KANK1: variants seen among roughly 807,000 people sequenced by gnomAD.
KANK1 encodes the protein KN motif and ankyrin repeat domain-containing protein 1.
KANK1 carries 109 observed loss-of-function variants against 106.2 expected under a neutral mutation model. That is an observed-to-expected ratio of 1.03 (90% CI 0.88 to 1.20). KANK1 has a LOEUF of 1.20. Ranked by LOEUF, KANK1 falls within the 50% of genes most tolerant of loss-of-function variation. The probability of loss-of-function intolerance (pLI) is 0.00; values close to 1 mark genes in which losing one functional copy is unlikely to be tolerated. For missense variants in KANK1, 2,399 were observed against 1,710.7 expected (o/e 1.40, Z -7.10); for synonymous variants, 873 against 652.2 (o/e 1.34, Z -5.16).
intron 2 of KANK1, among the ~76,000 whole-genome samples, chr9:708,433 T>TA (rs1203514824): frequency 6.6e-6 from 1 of 152,246 alleles, no homozygotes; most frequent in Admixed American, 6.5e-5. Context: ...ATTCTTAGGC[T>TA]AGAGCATGAC....
chr9:566,668 G>T (rs1187023182), intron 1 of KANK1, among the ~76,000 whole-genome samples: 1 of 152,240 alleles, frequency 6.6e-6, no homozygotes, highest in South Asian at 2.1e-4. Context: ...CTTTTGAAAG[G>T]TGTCTGTTCA....
chr9:528,081 C>T (rs1368666906), intron 1 of KANK1, among the ~76,000 whole-genome samples: 1 of 150,502 alleles, frequency 6.6e-6, no homozygotes, highest in Non-Finnish European at 1.5e-5. Flanking sequence ...TGCAGTGAGC[C>T]GAGATCGTGC....
rs1246104864 is a variant in KANK1 at position 711,571 on chromosome 9, A to T, written c.805A>T (p.Ile269Phe). 3 of 1,614,070 alleles carry T rather than the reference A, an allele frequency of 1.9e-6. No homozygotes were observed. The highest frequency in any genetic ancestry group is 2.5e-6 in the Non-Finnish European group (3 of 1,179,976). Residue 269 changes from isoleucine to phenylalanine, a missense_variant, in exon 3 of 12, where the codon ATT becomes TTT. Ile to Phe is a conservative substitution (Grantham distance 21). Transcript: ENST00000382297. ...GCAGCACATCCGCGAGCAGATGGCC[A>T]TTGCTCTGAAACGCCTGAAGGAGCT... The part of the protein sequence containing the change: ...HLQHIREQMA[I>F]ALKRLKELEE...
intron 1 of KANK1, chr9:558,789 G>GGT (rs1815579249): frequency 6.6e-6 from 1 of 151,794 alleles, no homozygotes; most frequent in South Asian, 2.1e-4. Context: ...GCTTCAGCTG[G>GGT]GTACATGTAT....
At chr9:574,106 C>A (rs367912459) in intron 1 of KANK1, among the ~76,000 whole-genome samples, 1 of 152,216 alleles carries the variant, frequency 6.6e-6, no homozygotes, top group East Asian at 1.9e-4. Flanking sequence ...ATCACTGATG[C>A]ATCACTAACA....
chr9:497,802 G>A (rs1219496389), intron 3 of KANK1, among the ~76,000 whole-genome samples: 6 of 151,846 alleles, frequency 4.0e-5, no homozygotes, highest in African/African-American at 4.8e-5. Context: ...GCAGTGAGCC[G>A]TGATTGTGCC....
chr9:730,779 G>T, intron 4 of KANK1: 1 of 180,598 alleles, frequency 5.5e-6, no homozygotes, highest in Non-Finnish European at 1.2e-5. Context: ...TCACGTTCTG[G>T]CAGGCATAAG....
intron 3 of KANK1, among the ~76,000 whole-genome samples, chr9:714,455 G>A (rs1198377270): frequency 6.7e-6 from 1 of 149,948 alleles, no homozygotes; most frequent in Non-Finnish European, 1.5e-5. Flanking sequence ...TGCCTCTCAG[G>A]TACAAGCGAT....
rs1821684578 is a variant in KANK1 at position 580,177 on chromosome 9, T to C, written c.-84+75423T>C. ...AGACCTTCGCGGTGAGTGTAACAGC[T>C]CTTAAGGCGGCGCGTCTGGAGTTGT... On this transcript the variant is annotated intron_variant, in intron 1 of 11. Coordinates refer to ENST00000382297, the MANE Select transcript of KANK1 (RefSeq NM_015158.5). Among the ~76,000 whole-genome samples, 3 of 151,740 alleles carry C rather than the reference T, an allele frequency of 2.0e-5. No individual in the cohort carries two copies. In the South Asian group the frequency reaches 6.3e-4, roughly 32 times the overall value.
intron 7 of KANK1, 128 bp from the exon 8 acceptor site, chr9:738,157 G>GT: frequency 1.4e-6 from 1 of 738,390 alleles, no homozygotes; most frequent in Non-Finnish European, 2.2e-6. Context: ...AGGGCTGTTG[G>GT]TTTTTGAGAG....
At chr9:528,826 G>C (rs562170025) in intron 1 of KANK1, among the ~76,000 whole-genome samples, 2 of 151,904 alleles carry the variant, frequency 1.3e-5, no homozygotes, top group African/African-American at 4.8e-5. Context: ...TTTGAGGCAG[G>C]ATCTTATTTG....
intron 1 of KANK1, among the ~76,000 whole-genome samples, chr9:580,884 C>T (rs1055920708): frequency 6.6e-6 from 1 of 152,192 alleles, no homozygotes; most frequent in Non-Finnish European, 1.5e-5. Context: ...GAGGCTCCGG[C>T]ATGGTGGGCT....
At chr9:519,309 T>C (rs891983117) in intron 1 of KANK1, among the ~76,000 whole-genome samples, 4 of 151,794 alleles carry the variant, frequency 2.6e-5, no homozygotes, top group African/African-American at 7.3e-5. Flanking sequence ...TGAGTTTCTC[T>C]GAACTTCCAA....
chr9:719,294 T>G (rs1214024541), intron 3 of KANK1, among the ~76,000 whole-genome samples: 1 of 152,174 alleles, frequency 6.6e-6, no homozygotes, highest in Non-Finnish European at 1.5e-5. Flanking sequence ...AAAACAAACA[T>G]TATTTCAGAT....
intron 2 of KANK1, among the ~76,000 whole-genome samples, chr9:679,409 CAT>C (rs781766781): frequency 6.7e-6 from 1 of 148,370 alleles, no homozygotes; most frequent in Non-Finnish European, 1.5e-5. Context: ...ATATGACACT[CAT>C]AGAAAAAAAA....
chr9:479,696 T>G (rs538320805), intron 3 of KANK1, among the ~76,000 whole-genome samples: 4 of 152,336 alleles, frequency 2.6e-5, no homozygotes, highest in African/African-American at 9.6e-5. Flanking sequence ...GGACTACAGC[T>G]GAAGGAGAAG....
chr9:599,815 G>A (rs1452251724), intron 1 of KANK1, among the ~76,000 whole-genome samples: 1 of 151,802 alleles, frequency 6.6e-6, no homozygotes, highest in Non-Finnish European at 1.5e-5. Flanking sequence ...GTGAGGATTT[G>A]GGTATTTGCA....
intron 1 of KANK1, among the ~76,000 whole-genome samples, chr9:560,355 A>T (rs140368802): frequency 1.4e-4 from 21 of 152,314 alleles, no homozygotes; most frequent in African/African-American, 5.1e-4. Context: ...AGGTTGATTA[A>T]CTGTTGACTT....
intron 1 of KANK1, among the ~76,000 whole-genome samples, chr9:548,728 A>C (rs966030727): frequency 6.6e-6 from 1 of 152,154 alleles, no homozygotes; most frequent in African/African-American, 2.4e-5. Flanking sequence ...TTTAATTAAA[A>C]TTTTTTTATC....
Sources: gnomAD v4.1 joint callset for allele counts (sites outside exome capture counted in the v4.1 genomes callset) on GRCh38, gnomAD v4.1.1 for gene constraint, MANE v1.5 for transcripts, NCBI Gene and HGNC (gene_info 2026-07-23, HGNC 2026-07-21) for gene names.